Variants in RGS6 observed in about 807,000 individuals in gnomAD.
The protein encoded by RGS6 is regulator of G protein signaling 6, also known as regulator of G-protein signaling 6.
RGS6 carries 30 observed loss-of-function variants against 78.5 expected under a neutral mutation model. That is an observed-to-expected ratio of 0.38 (90% CI 0.29 to 0.52). The LOEUF is 0.52. Ranked by LOEUF, RGS6 falls within the 20% of genes least tolerant of loss-of-function variation. RGS6 has a pLI of 0.85. For missense variants in RGS6, 495 were observed against 609.7 expected, an observed-to-expected ratio of 0.81 and a Z score of 1.98; for synonymous variants, 206 against 206.0, an observed-to-expected ratio of 1.00 and a Z score of 0.00.
At chr14:72,129,884 A>G (rs2096278533) in intron 2 of RGS6, among the ~76,000 whole-genome samples, 1 of 152,188 alleles carries the variant, frequency 6.6e-6, no homozygotes, top group African/African-American at 2.4e-5. Context: ...CTGTTTTCCC[A>G]TCGATAACTG....
chr14:72,447,263 C>T (rs2095388800), intron 3 of RGS6, among the ~76,000 whole-genome samples: 1 of 152,110 alleles, frequency 6.6e-6, no homozygotes, highest in Non-Finnish European at 1.5e-5. Flanking sequence ...GGGGTGAGGG[C>T]ACCTATTTTG....
At chr14:72,579,501 C>T in the RGS6 span, among the ~76,000 whole-genome samples, 1 of 152,180 alleles carries the variant, frequency 6.6e-6, no homozygotes, top group Admixed American at 6.5e-5. Context: ...AATGTCTAGT[C>T]CTATTGTCGT....
At chr14:72,182,122 A>C (rs2097180416) in intron 2 of RGS6, among the ~76,000 whole-genome samples, 1 of 152,174 alleles carries the variant, frequency 6.6e-6, no homozygotes, top group Non-Finnish European at 1.5e-5. Flanking sequence ...GAAAATGTAT[A>C]GCTTAGGCCA....
chr14:72,143,253 A>G (rs999107617), intron 2 of RGS6, among the ~76,000 whole-genome samples: 3 of 152,012 alleles, frequency 2.0e-5, no homozygotes, highest in African/African-American at 7.2e-5. Flanking sequence ...GGCGTCTGTA[A>G]TCCCAGCTGC....
intron 1 of RGS6, among the ~76,000 whole-genome samples, chr14:71,938,526 C>T (rs1239852645): frequency 6.6e-6 from 1 of 152,164 alleles, no homozygotes; most frequent in Non-Finnish European, 1.5e-5. Flanking sequence ...GTCTTCTCCT[C>T]CTCTGTCAAC....
chr14:72,069,036 A>G (rs982134885), intron 2 of RGS6, among the ~76,000 whole-genome samples: 2 of 151,106 alleles, frequency 1.3e-5, no homozygotes, highest in Non-Finnish European at 3.0e-5. Context: ...CAGTGGCGCA[A>G]TCTTGGCTCA....
At chr14:72,048,628 C>T (rs1237223753) in intron 2 of RGS6, among the ~76,000 whole-genome samples, 1 of 152,128 alleles carries the variant, frequency 6.6e-6, no homozygotes, top group African/African-American at 2.4e-5. Flanking sequence ...TTGGGAGATA[C>T]TAGGTTAGCT....
chr14:72,129,789 G>A (rs1421500734), intron 2 of RGS6, among the ~76,000 whole-genome samples: 7 of 152,140 alleles, frequency 4.6e-5, no homozygotes, highest in African/African-American at 1.7e-4. Context: ...TCACTGTGTT[G>A]CTCCCTCTTT....
At chr14:71,953,193 A>G (rs753783251) in intron 1 of RGS6, among the ~76,000 whole-genome samples, 3 of 152,174 alleles carry the variant, frequency 2.0e-5, no homozygotes, top group Admixed American at 6.5e-5. Context: ...GGAGGGTGGC[A>G]TTAGAACGCA....
rs147218696 is a variant in RGS6, at chr14:71,983,043, C to T, written c.84+18168C>T. 5.8e-3 allele frequency among the ~76,000 whole-genome samples: 878 copies of T among 152,174 alleles called. 7 individuals carry two copies. The highest frequency in any genetic ancestry group is 8.0e-3 in the Non-Finnish European group (543 of 68,006). On this transcript the variant is annotated intron_variant, in intron 2 of 17. Coordinates refer to ENST00000553525, the MANE Select transcript of RGS6 (RefSeq NM_001204424.2). ...TAGAGGTGAAGAAAAGTGAAACTTC[C>T]AGTATATTTAAAAAGTGGAATTAAC...
chr14:72,377,478 C>T (rs755919670), intron 3 of RGS6, among the ~76,000 whole-genome samples: 1 of 151,746 alleles, frequency 6.6e-6, no homozygotes, highest in African/African-American at 2.4e-5. Context: ...TCTCAGCCTT[C>T]GACAGATCAT....
At chr14:72,282,922 A>G (rs1256852515) in intron 2 of RGS6, among the ~76,000 whole-genome samples, 1 of 151,902 alleles carries the variant, frequency 6.6e-6, no homozygotes, top group African/African-American at 2.4e-5. Flanking sequence ...TTCAGTAATA[A>G]CTCCCTATCT....
chr14:72,347,332 G>A (rs756153214), intron 2 of RGS6, among the ~76,000 whole-genome samples: 3 of 152,174 alleles, frequency 2.0e-5, no homozygotes, highest in Non-Finnish European at 4.4e-5. Flanking sequence ...CCAATCCCAT[G>A]GGACAAAGGG....
At chr14:72,276,030 G>A (rs1477515006) in intron 2 of RGS6, among the ~76,000 whole-genome samples, 3 of 152,160 alleles carry the variant, frequency 2.0e-5, no homozygotes, top group African/African-American at 7.2e-5. Context: ...GCACTTAAGA[G>A]CTTTTTAATT....
chr14:72,482,105 C>T (rs890176608), intron 12 of RGS6, among the ~76,000 whole-genome samples: 10 of 152,208 alleles, frequency 6.6e-5, no homozygotes, highest in East Asian at 3.9e-4. Flanking sequence ...CCACCGCTCC[C>T]GGCCTATTTT....
At chr14:72,038,964 T>C (rs2092075003) in intron 2 of RGS6, among the ~76,000 whole-genome samples, 1 of 152,200 alleles carries the variant, frequency 6.6e-6, no homozygotes, top group Non-Finnish European at 1.5e-5. Flanking sequence ...GGAATGGAGA[T>C]AGAAGTTTGC....
intron 1 of RGS6, among the ~76,000 whole-genome samples, chr14:71,960,961 AGGAGAGGATCTGTGTCT>A (rs977680269): frequency 1.3e-5 from 2 of 152,222 alleles, no homozygotes; most frequent in Admixed American, 1.3e-4. Flanking sequence ...GAACATTTTA[AGGAGAGGATCTGTGTCT>A]GACTTATCTG....
intron 17 of RGS6, among the ~76,000 whole-genome samples, chr14:72,551,015 C>T (rs1265324059): frequency 6.6e-6 from 1 of 152,072 alleles, no homozygotes; most frequent in Non-Finnish European, 1.5e-5. Flanking sequence ...AATTTTTGTA[C>T]TCTTAGTAGA....
chr14:72,270,029 T>G (rs1238186430), intron 2 of RGS6, among the ~76,000 whole-genome samples: 1 of 152,222 alleles, frequency 6.6e-6, no homozygotes, highest in African/African-American at 2.4e-5. Flanking sequence ...TGTAGCAGCG[T>G]ACAACACATG....
Sources: gnomAD v4.1 joint callset for allele counts (sites outside exome capture counted in the v4.1 genomes callset) on GRCh38, gnomAD v4.1.1 for gene constraint, MANE v1.5 for transcripts, NCBI Gene and HGNC (gene_info 2026-07-23, HGNC 2026-07-21) for gene names.